LRP1B: variants seen among roughly 807,000 people sequenced by gnomAD.
The protein encoded by LRP1B is LDL receptor related protein 1B, also known as low-density lipoprotein receptor-related protein 1B.
LRP1B carries 217 observed loss-of-function variants against 556.6 expected under a neutral mutation model. The observed-to-expected ratio is 0.39, with a 90% CI of 0.35 to 0.44. The LOEUF (loss-of-function observed/expected upper bound fraction) is 0.44, where lower values mean the gene tolerates loss of function less well. Ranked by LOEUF, LRP1B falls within the 20% of genes least tolerant of loss-of-function variation. LRP1B has a pLI of 1.00. For synonymous variants in LRP1B, 2,047 were observed against 1,865.8 expected, an observed-to-expected ratio of 1.10 and a Z score of -2.50; for missense variants, 5,053 against 5,620.8, an observed-to-expected ratio of 0.90 and a Z score of 3.23.
chr2:141,946,053 C>T (rs892111294), intron 1 of LRP1B, among the ~76,000 whole-genome samples: 16 of 152,140 alleles, frequency 1.1e-4, no homozygotes, highest in Non-Finnish European at 1.6e-4. Flanking sequence ...TCCCACTCAA[C>T]GAGAGAGCAC....
chr2:141,314,415 C>A (rs1031792427), intron 3 of LRP1B, among the ~76,000 whole-genome samples: 2 of 152,068 alleles, frequency 1.3e-5, no homozygotes, highest in African/African-American at 4.8e-5. Flanking sequence ...ATTTTTGAGT[C>A]TCCTAGGGAA....
At chr2:142,034,386 T>A (rs1703805735) in intron 1 of LRP1B, among the ~76,000 whole-genome samples, 1 of 151,768 alleles carries the variant, frequency 6.6e-6, no homozygotes. Flanking sequence ...AGTTGTGTAC[T>A]GATCATTCCC....
At chr2:141,956,941 A>G (rs548665692) in intron 1 of LRP1B, among the ~76,000 whole-genome samples, 3 of 152,182 alleles carry the variant, frequency 2.0e-5, no homozygotes, top group South Asian at 2.1e-4. Flanking sequence ...ACTAATGACA[A>G]AACAAAAGAA....
rs10616730 is a variant in LRP1B at position 140,721,536 on chromosome 2, CTTTTTTTTTTTTTTTT to C, written c.5759-4736_5759-4721del. ...TGTGTTGAATTGGATCAAAGATGCA[CTTTTTTTTTTTTTTTT>C]TTTTTTTTTTTTTGAGAAGGAGTTT... On this transcript the variant is annotated intron_variant, in intron 35 of 90. Transcript: ENST00000389484. 5.7e-5 allele frequency among the ~76,000 whole-genome samples: 4 copies of C among 69,570 alleles called. No individual in the cohort carries two copies. In the Admixed American group the frequency reaches 5.8e-4, roughly 10 times the overall value. 45.6% of individuals were successfully genotyped at this position (69,570 alleles called of 152,430 possible).
intron 1 of LRP1B, among the ~76,000 whole-genome samples, chr2:142,120,941 G>A (rs899410158): frequency 2.6e-5 from 4 of 152,076 alleles, no homozygotes; most frequent in African/African-American, 9.7e-5. Context: ...TGTGAACCAT[G>A]TTTTACACAA....
intron 3 of LRP1B, among the ~76,000 whole-genome samples, chr2:141,284,295 A>G (rs1685621742): frequency 6.6e-6 from 1 of 152,254 alleles, no homozygotes; most frequent in South Asian, 2.1e-4. Flanking sequence ...ATTGGGCTTT[A>G]GTGAAAAATA....
chr2:141,310,279 G>T (rs954579682), intron 3 of LRP1B, among the ~76,000 whole-genome samples: 9 of 152,022 alleles, frequency 5.9e-5, no homozygotes, highest in African/African-American at 1.9e-4. Flanking sequence ...CTCAATCTTT[G>T]GTTTAAACCT....
intron 7 of LRP1B, among the ~76,000 whole-genome samples, chr2:141,169,767 T>C (rs1337999514): frequency 1.5e-5 from 2 of 136,858 alleles, no homozygotes; most frequent in South Asian, 4.5e-4. Context: ...GCAAAAGATA[T>C]GGCTCTCTCC....
intron 1 of LRP1B, among the ~76,000 whole-genome samples, chr2:141,899,914 G>T (rs909665743): frequency 2.0e-5 from 3 of 152,014 alleles, no homozygotes; most frequent in Non-Finnish European, 4.4e-5. Flanking sequence ...CCCCTGCTTG[G>T]CAAGTACTGT....
At chr2:142,017,842 C>T (rs1439740173) in intron 1 of LRP1B, among the ~76,000 whole-genome samples, 1 of 152,164 alleles carries the variant, frequency 6.6e-6, no homozygotes, top group South Asian at 2.1e-4. Context: ...TGTTCTCCTA[C>T]TGCACTCCAG....
intron 31 of LRP1B, among the ~76,000 whole-genome samples, chr2:140,820,243 G>C (rs1691279936): frequency 6.6e-6 from 1 of 152,168 alleles, no homozygotes; most frequent in African/African-American, 2.4e-5. Context: ...GCCTCTCAAA[G>C]TACTGGAATT....
chr2:140,426,146 G>A (rs1463591193), intron 66 of LRP1B, among the ~76,000 whole-genome samples: 2 of 152,160 alleles, frequency 1.3e-5, no homozygotes, highest in Non-Finnish European at 2.9e-5. Context: ...AACAGGAGGC[G>A]CTGGCTTGAG....
intron 22 of LRP1B, among the ~76,000 whole-genome samples, chr2:140,904,261 T>C (rs1230006117): frequency 6.6e-6 from 1 of 152,120 alleles, no homozygotes; most frequent in Non-Finnish European, 1.5e-5. Flanking sequence ...TGGCAGATAA[T>C]TGTCTTTGAA....
intron 43 of LRP1B, among the ~76,000 whole-genome samples, chr2:140,596,258 T>G (rs191438305): frequency 6.6e-6 from 1 of 152,296 alleles, no homozygotes; most frequent in South Asian, 2.1e-4. Context: ...CAGCTTCAAA[T>G]GATTAGCTTG....
chr2:141,826,220 T>C (rs1696916071), intron 1 of LRP1B, among the ~76,000 whole-genome samples: 1 of 151,606 alleles, frequency 6.6e-6, no homozygotes, highest in Non-Finnish European at 1.5e-5. Context: ...TTAAAAATAA[T>C]ATATATTGTT....
intron 32 of LRP1B, among the ~76,000 whole-genome samples, chr2:140,799,465 T>C: frequency 6.6e-6 from 1 of 152,180 alleles, no homozygotes; most frequent in Admixed American, 6.5e-5. Flanking sequence ...AAAATACATT[T>C]CTGTTGTTTA....
chr2:140,338,722 C>A (rs2945572), intron 77 of LRP1B, among the ~76,000 whole-genome samples: 82,044 of 151,334 alleles, frequency 0.54, 22,554 homozygotes, highest in African/African-American at 0.58. Flanking sequence ...AAAATGGAAA[C>A]ACACAGGAAA....
chr2:140,388,420 A>AT (rs963769246), intron 66 of LRP1B, among the ~76,000 whole-genome samples: 19 of 151,374 alleles, frequency 1.3e-4, no homozygotes, highest in South Asian at 1.0e-3. Context: ...TATGTTTTAT[A>AT]TTTTTTTTTC....
chr2:142,033,762 T>A (rs1703783770), intron 1 of LRP1B, among the ~76,000 whole-genome samples: 1 of 151,790 alleles, frequency 6.6e-6, no homozygotes, highest in African/African-American at 2.4e-5. Flanking sequence ...AAAGTGGAGT[T>A]ATAGAAAGAT....
Sources: gnomAD v4.1 joint callset for allele counts (sites outside exome capture counted in the v4.1 genomes callset) on GRCh38, gnomAD v4.1.1 for gene constraint, MANE v1.5 for transcripts, NCBI Gene and HGNC (gene_info 2026-07-23, HGNC 2026-07-21) for gene names.